Variants in ATF7IP2 observed in about 807,000 individuals in gnomAD.
ATF7IP2 encodes activating transcription factor 7-interacting protein 2.
Under a neutral mutation model 64.2 loss-of-function variants are expected in ATF7IP2, and 42 were observed. That is an observed-to-expected ratio of 0.65 (90% CI 0.51 to 0.85). ATF7IP2 has a LOEUF of 0.85. Ranked by LOEUF, ATF7IP2 falls within the 40% of genes least tolerant of loss-of-function variation. The pLI, the probability that ATF7IP2 is intolerant of heterozygous loss-of-function variation, is 0.00. For synonymous variants in ATF7IP2, 308 were observed against 272.8 expected (o/e 1.13, Z -1.27); for missense variants, 933 against 784.2 (o/e 1.19, Z -2.27).
chr16:10,456,146 A>G (rs1238586595), intron 8 of ATF7IP2, among the ~76,000 whole-genome samples: 1 of 151,970 alleles, frequency 6.6e-6, no homozygotes, highest in Non-Finnish European at 1.5e-5. Context: ...TTCTAAGCAA[A>G]GTGTTGAAGG....
At chr16:10,421,961 G>T (rs2047996090) in intron 3 of ATF7IP2, among the ~76,000 whole-genome samples, 1 of 152,194 alleles carries the variant, frequency 6.6e-6, no homozygotes, top group Non-Finnish European at 1.5e-5. Context: ...ACTATTAAAG[G>T]CCAATTTTTC....
At chr16:10,466,709 T>C (rs1567170497) in intron 9 of ATF7IP2, among the ~76,000 whole-genome samples, 1 of 152,216 alleles carries the variant, frequency 6.6e-6, no homozygotes, top group Non-Finnish European at 1.5e-5. Context: ...ACATTTATTA[T>C]AAATATCTTT....
chr16:10,457,158 G>A (rs879337129), intron 8 of ATF7IP2, among the ~76,000 whole-genome samples: 10 of 152,162 alleles, frequency 6.6e-5, no homozygotes, highest in Admixed American at 3.3e-4. Context: ...AAGCTAGGAA[G>A]TTGATGTATA....
chr16:10,470,366 A>G (rs1182160853), intron 9 of ATF7IP2, among the ~76,000 whole-genome samples: 1 of 152,212 alleles, frequency 6.6e-6, no homozygotes, highest in Non-Finnish European at 1.5e-5. Flanking sequence ...TTACTGAAGA[A>G]ATTAAAGGAG....
At chr16:10,406,340 A>G (rs1271470251) in intron 1 of ATF7IP2, among the ~76,000 whole-genome samples, 1 of 152,124 alleles carries the variant, frequency 6.6e-6, no homozygotes, top group African/African-American at 2.4e-5. Context: ...TCCTGGGCTC[A>G]AGCTGTCCAC....
At chr16:10,401,738 C>CT (rs530677761) in intron 1 of ATF7IP2, among the ~76,000 whole-genome samples, 55 of 142,462 alleles carry the variant, frequency 3.9e-4, no homozygotes, top group African/African-American at 1.4e-3. Context: ...TGGTTATGGG[C>CT]TTTTTTGTTG....
chr16:10,449,921 T>G (rs2048931629), intron 8 of ATF7IP2, among the ~76,000 whole-genome samples: 1 of 152,208 alleles, frequency 6.6e-6, no homozygotes, highest in Non-Finnish European at 1.5e-5. Context: ...GATGTTAGGG[T>G]GTCGATTTTA....
intron 9 of ATF7IP2, among the ~76,000 whole-genome samples, chr16:10,468,243 G>A (rs1055129252): frequency 6.6e-6 from 1 of 152,008 alleles, no homozygotes; most frequent in African/African-American, 2.4e-5. Context: ...AGAAATAATG[G>A]CAAATGTTAG....
At chr16:10,390,911 C>G (rs1232940870) in intron 1 of ATF7IP2, among the ~76,000 whole-genome samples, 3 of 151,878 alleles carry the variant, frequency 2.0e-5, no homozygotes, top group African/African-American at 7.3e-5. Flanking sequence ...ATTTGTAATC[C>G]CAATGGTTTA....
chr16:10,413,105 G>A (rs564762059), intron 1 of ATF7IP2, among the ~76,000 whole-genome samples: 9 of 152,170 alleles, frequency 5.9e-5, no homozygotes, highest in East Asian at 1.9e-4. Context: ...TTGTGAATTC[G>A]TATCCATTCT....
At chr16:10,467,187 GA>G (rs2049606515) in intron 9 of ATF7IP2, among the ~76,000 whole-genome samples, 1 of 152,156 alleles carries the variant, frequency 6.6e-6, no homozygotes, top group Non-Finnish European at 1.5e-5. Flanking sequence ...GTTACCATCT[GA>G]AAGCTTAGAC....
chr16:10,469,626 T>C (rs1333935397), intron 9 of ATF7IP2, among the ~76,000 whole-genome samples: 1 of 151,978 alleles, frequency 6.6e-6, no homozygotes, highest in Non-Finnish European at 1.5e-5. Flanking sequence ...AAATATAAAA[T>C]TAGCCCAGCA....
At position 10,438,318 on chromosome 16, in the gene ATF7IP2, C is replaced by T. The variant is rs1596512340; in HGVS notation, c.1095+83C>T. ...TTGCTCAGGCTGCAGTACGGTGGCT[C>T]ACTGCAGCCTCTGCCTTCTGAGCTC... On this transcript the variant is annotated intron_variant, in intron 7 of 13. Transcript: ENST00000562102. 7 of 1,361,964 alleles carry T rather than the reference C, an allele frequency of 5.1e-6. No homozygotes were observed. The South Asian group carries it at 8.2e-5, about 16-fold the overall frequency. The allele number at this position is 1,361,964 out of a possible 1,614,324, so 84.4% of individuals were successfully genotyped here. A position where few individuals can be genotyped will look rare whatever the true frequency, so the allele number is the denominator to read the frequency against.
chr16:10,430,482 G>A (rs915318720), intron 4 of ATF7IP2, 129 bp from the exon 5 acceptor site: 61 of 587,236 alleles, frequency 1.0e-4, no homozygotes, highest in Non-Finnish European at 1.6e-4. Context: ...TTTCAGTAAG[G>A]TGATTATCTA....
intron 9 of ATF7IP2, among the ~76,000 whole-genome samples, chr16:10,466,094 A>G (rs1381240503): frequency 6.6e-6 from 1 of 152,156 alleles, no homozygotes; most frequent in Non-Finnish European, 1.5e-5. Flanking sequence ...TTTTGCCTTT[A>G]TAGAAATGGA....
chr16:10,457,602 G>A lies in ATF7IP2; in HGVS notation c.1352+73G>A, dbSNP rs950680939. The A allele has an allele frequency of 8.7e-6, 10 of 1,151,432 alleles. No individual in the cohort carries two copies. The African/African-American group carries it at 1.6e-4, about 18-fold the overall frequency. 71.3% of individuals were successfully genotyped at this position (1,151,432 alleles called of 1,614,324 possible). ...TGAATTTTTTCTTCATCACAGTTTT[G>A]GATCTTTGTAATATTGATTATTCTT... is the stretch of plus-strand genomic sequence containing the variant. On this transcript the variant is annotated intron_variant, in intron 9 of 13. Coordinates refer to ENST00000562102, the MANE Select transcript of ATF7IP2 (RefSeq NM_001393719.1).
At position 10,482,228 on chromosome 16, in the gene ATF7IP2, G is replaced by GT. The variant is rs1567184912; in HGVS notation, c.2032dup (p.Ser678PhefsTer2). 3.8e-6 allele frequency: 6 copies of GT among 1,583,624 alleles called. No homozygotes were observed. In the South Asian group the frequency reaches 4.7e-5, roughly 12 times the overall value. On this transcript the variant is annotated frameshift_variant, in exon 14 of 14. Coordinates refer to ENST00000562102, the MANE Select transcript of ATF7IP2 (RefSeq NM_001393719.1). LOFTEE classifies it high-confidence loss of function. ...TCTGTGATATAAAATCTATCCCTGG[G>GT]TTTTCTGAAAATCTTACGTAAAAGG...
At chr16:10,442,121 T>C (rs1321840973) in intron 8 of ATF7IP2, among the ~76,000 whole-genome samples, 2 of 152,242 alleles carry the variant, frequency 1.3e-5, no homozygotes, top group African/African-American at 4.8e-5. Flanking sequence ...GGAAGTTTGT[T>C]TGTACCTAAC....
At chr16:10,401,087 A>G (rs980177586) in intron 1 of ATF7IP2, among the ~76,000 whole-genome samples, 9 of 152,214 alleles carry the variant, frequency 5.9e-5, no homozygotes, top group African/African-American at 1.2e-4. Context: ...TAGCTGTGAT[A>G]AATCACATTT....
Sources: allele counts gnomAD v4.1 joint callset (sites outside exome capture counted in the v4.1 genomes callset), GRCh38; gene constraint gnomAD v4.1.1; transcripts MANE v1.5; gene names NCBI Gene and HGNC (gene_info 2026-07-23, HGNC 2026-07-21).